Variants in CP observed in about 807,000 individuals in gnomAD.
CP encodes the protein ceruloplasmin.
In CP, 64 loss-of-function variants were observed where a neutral mutation model predicts 122.4. That is an observed-to-expected ratio of 0.52 (90% confidence interval 0.43 to 0.64). The LOEUF (loss-of-function observed/expected upper bound fraction) is 0.64, where lower values mean the gene tolerates loss of function less well. CP is among the 30% of genes least tolerant of loss of function. CP has a pLI of 0.00. For synonymous variants in CP, 440 were observed against 436.4 expected (o/e 1.01, Z -0.10); for missense variants, 1,167 against 1,284.4 (o/e 0.91, Z 1.40).
intron 9 of CP, among the ~76,000 whole-genome samples, chr3:149,188,413 T>G (rs1329379582): frequency 7.5e-6 from 1 of 133,686 alleles, no homozygotes; most frequent in Non-Finnish European, 1.5e-5. Context: ...TTCAATATGG[T>G]AATCTGAGTC....
rs910458489 is a variant in CP, at chr3:149,212,512, G to A, written c.333C>T (p.Asn111=). ...GAAAGGTGTAGGGCCTAGAGGCAAG[G>A]TTTTTTAAGTGTACATAAACTTTAT... ...TGDKVYVHLK[N]LASRPYTFHS... The change falls in exon 2 of 19, where the codon AAC becomes AAT. Residue 111 remains asparagine, a synonymous_variant. Coordinates refer to ENST00000264613, the MANE Select transcript of CP (RefSeq NM_000096.4). The A allele has an allele frequency of 6.2e-7, 1 of 1,613,906 alleles. No individual in the cohort carries two copies. Among genetic ancestry groups the A allele is most frequent in the African/African-American group, 1.3e-5 (1 of 75,014 alleles).
In CP at chr3:149,178,609, C is replaced by G. The variant is rs139633388; in HGVS notation, c.2684G>C (p.Gly895Ala). 2,940 of 1,611,726 alleles carry G rather than the reference C, an allele frequency of 1.8e-3. 3 individuals carry two copies. The highest frequency in any genetic ancestry group is 2.8e-3 in the Admixed American group (168 of 59,932). The change falls in exon 16 of 19, where the codon GGC (glycine) becomes GCC (alanine). Residue 895 changes from glycine to alanine, a missense_variant. Gly to Ala is a moderately conservative substitution (Grantham distance 60). Coordinates refer to ENST00000264613, the MANE Select transcript of CP (RefSeq NM_000096.4). ...AGGTCTTCGACAAACAATCAGGGGG[C>G]CAATTAATCCACTGTAGAGGTCCTG... is the stretch of plus-strand genomic sequence containing the variant. ...QVKDLYSGLI[G>A]PLIVCRRPYL...
chr3:149,208,814 C>T (rs1228706850), intron 4 of CP, among the ~76,000 whole-genome samples: 1 of 152,130 alleles, frequency 6.6e-6, no homozygotes, highest in Admixed American at 6.5e-5. Flanking sequence ...CCTTTCAGAA[C>T]TCGTGGTTTG....
chr3:149,206,568 T>C (rs1727741095), intron 5 of CP, among the ~76,000 whole-genome samples: 1 of 152,206 alleles, frequency 6.6e-6, no homozygotes, highest in South Asian at 2.1e-4. Flanking sequence ...ATATTAAGCA[T>C]ATATGTTTTC....
intron 13 of CP, among the ~76,000 whole-genome samples, chr3:149,182,579 G>GA (rs1253116499): frequency 2.0e-5 from 3 of 152,126 alleles, no homozygotes; most frequent in Non-Finnish European, 4.4e-5. Context: ...GTGGGGTGGG[G>GA]ATGGGAGTGG....
intron 12 of CP, among the ~76,000 whole-genome samples, chr3:149,184,922 G>C (rs1473043753): frequency 3.3e-5 from 5 of 152,166 alleles, no homozygotes; most frequent in Admixed American, 6.5e-5. Context: ...CTCTGAATTT[G>C]GGCATTAACT....
intron 4 of CP, 123 bp from the exon 5 acceptor site, chr3:149,207,740 G>A: frequency 1.1e-6 from 1 of 936,610 alleles, no homozygotes. Flanking sequence ...TGGTATTCTT[G>A]CCCCCTATAC....
chr3:149,187,952 A>G, intron 10 of CP, 100 bp downstream of exon 10: 1 of 1,295,958 alleles, frequency 7.7e-7, no homozygotes, highest in Non-Finnish European at 1.1e-6. Flanking sequence ...TATTGAAAAA[A>G]TAATCAATGA....
chr3:149,209,272 G>A lies in CP; in HGVS notation c.720C>T (p.Cys240=), dbSNP rs141646117. ...CTTTGTCAACTTTCTCTGGTTCTGA[G>A]CAGTAGGTTTTAATGTTGTCTTCTA... The part of the protein sequence containing the change: ...WYLEDNIKTY[C]SEPEKVDKDN... Residue 240 remains cysteine (C), a synonymous_variant, in exon 4 of 19, where the codon TGC becomes TGT. Transcript: ENST00000264613. 25 of 1,613,626 alleles carry A rather than the reference G, an allele frequency of 1.5e-5. No homozygotes were observed. In the African/African-American group the frequency reaches 2.5e-4, roughly 16 times the overall value.
intron 9 of CP, among the ~76,000 whole-genome samples, chr3:149,193,626 A>G (rs1236502619): frequency 6.6e-6 from 1 of 152,230 alleles, no homozygotes; most frequent in Non-Finnish European, 1.5e-5. Context: ...AAGAATAGTT[A>G]TAAAGGTCAG....
chr3:149,194,581 G>T (rs566032652), intron 9 of CP, among the ~76,000 whole-genome samples: 1 of 148,412 alleles, frequency 6.7e-6, no homozygotes, highest in African/African-American at 2.5e-5. Context: ...ATTTACAAAG[G>T]CCAAATAAAA....
chr3:149,217,201 A>C (rs555441526), intron 1 of CP, among the ~76,000 whole-genome samples: 134 of 152,186 alleles, frequency 8.8e-4, no homozygotes, highest in African/African-American at 3.2e-3. Context: ...GCCCAGCCCT[A>C]TTGCTTGCTA....
chr3:149,172,328 A>G, downstream of CP: 1 of 675,272 alleles, frequency 1.5e-6, no homozygotes, highest in East Asian at 2.9e-5. Flanking sequence ...TCACACACAC[A>G]CACACACACA....
intron 1 of CP, among the ~76,000 whole-genome samples, chr3:149,214,635 C>A (rs1728339877): frequency 6.6e-6 from 1 of 152,070 alleles, no homozygotes; most frequent in Admixed American, 6.5e-5. Flanking sequence ...TTTTCACTTT[C>A]TAATTGTTTG....
At chr3:149,198,000 CAT>C (rs1224529738) in intron 9 of CP, among the ~76,000 whole-genome samples, 1 of 152,130 alleles carries the variant, frequency 6.6e-6, no homozygotes, top group Non-Finnish European at 1.5e-5. Context: ...AAAATCAAGA[CAT>C]GGGAAATTTC....
chr3:149,191,275 C>T (rs1404042981), intron 9 of CP, among the ~76,000 whole-genome samples: 4 of 137,132 alleles, frequency 2.9e-5, no homozygotes, highest in Non-Finnish European at 6.2e-5. Context: ...CAGAACTGCT[C>T]ACTTTCTGAA....
In CP at chr3:149,186,609, T is replaced by A. The variant is rs771184384; in HGVS notation, c.1988A>T (p.Asn663Ile). Residue 663 changes from asparagine to isoleucine, a missense_variant, in exon 11 of 19, where the codon AAC becomes ATC. Physicochemically the swap from Asn to Ile is moderately radical, Grantham distance 149. Around this residue, in one of 2 missense-constraint regions of CP, gnomAD observed 525 missense variants for 657.2 expected, o/e 0.80. Coordinates refer to ENST00000264613, the MANE Select transcript of CP (RefSeq NM_000096.4). The stretch of plus-strand genomic sequence containing the variant: ...CCGTTCTCCTCTCCACAGATATGTG[T>A]TTCCTGAAAAGTATATTCCATGTAC... The part of the protein sequence containing the change: ...ADVHGIYFSG[N>I]TYLWRGERRD... The A allele has an allele frequency of 1.2e-6, 2 of 1,614,212 alleles. No individual in the cohort carries two copies. Among genetic ancestry groups the A allele is most frequent in the Non-Finnish European group, 8.5e-7 (1 of 1,180,020 alleles).
intron 6 of CP, among the ~76,000 whole-genome samples, chr3:149,202,998 T>C (rs373838989): frequency 0.014 from 1,941 of 137,772 alleles, 49 homozygotes; most frequent in African/African-American, 0.049. Flanking sequence ...CCTCCACCTC[T>C]CAGGTTCAAG....
At chr3:149,210,477 A>AC in intron 2 of CP, 98 bp from the exon 3 acceptor site, 1 of 1,041,836 alleles carries the variant, frequency 9.6e-7, no homozygotes, top group Non-Finnish European at 1.5e-6. Context: ...CATTTATTAA[A>AC]CATCTACTAT....
Sources: gnomAD v4.1 joint callset for allele counts (sites outside exome capture counted in the v4.1 genomes callset) on GRCh38, gnomAD v4.1.1 for gene constraint, gnomAD v4.1.1 regional missense constraint, MANE v1.5 for transcripts, NCBI Gene and HGNC (gene_info 2026-07-23, HGNC 2026-07-21) for gene names.